MYO1E: variants seen among roughly 807,000 people sequenced by gnomAD.
MYO1E encodes the protein myosin IE.
MYO1E carries 68 observed loss-of-function variants against 151.1 expected under a neutral mutation model. The ratio of observed to expected loss-of-function variants is 0.45; its 90% confidence interval spans 0.37 to 0.55. MYO1E has a LOEUF of 0.55. Ranked by LOEUF, MYO1E falls within the 20% of genes least tolerant of loss-of-function variation. MYO1E has a pLI of 0.00. For missense variants in MYO1E, 1,363 were observed against 1,389.3 expected (o/e 0.98, Z 0.30); for synonymous variants, 601 against 501.7 (o/e 1.20, Z -2.64).
chr15:59,197,052 G>C (rs1019499034), intron 16 of MYO1E, among the ~76,000 whole-genome samples: 21 of 124,184 alleles, frequency 1.7e-4, no homozygotes, highest in South Asian at 5.9e-4. Flanking sequence ...GAGTGCAGTG[G>C]CGTGATCTCT....
Position 59,208,792 on chromosome 15 carries a change from C to T in MYO1E, c.1419G>A (p.Val473=), listed in dbSNP as rs2079857783. Residue 473 remains valine, a synonymous_variant, in exon 14 of 28, where the codon GTG becomes GTA. Transcript: ENST00000288235. Reference sequence around the variant, plus strand: ...GCAGCGTCTGATCTGCCCCCTCACCCACCGCATGCATCGTGGCGCACACGT... The same window carrying T: ...GCAGCGTCTGATCTGCCCCCTCACCTACCGCATGCATCGTGGCGCACACGT... ...LDDVCATMHA[V]GEGADQTLLQ... 6 of 1,614,226 alleles carry T rather than the reference C, an allele frequency of 3.7e-6. No individual in the cohort carries two copies. The highest frequency in any genetic ancestry group is 5.1e-6 in the Non-Finnish European group (6 of 1,180,038).
At chr15:59,247,925 C>T (rs1566991254) in intron 4 of MYO1E, among the ~76,000 whole-genome samples, 1 of 151,892 alleles carries the variant, frequency 6.6e-6, no homozygotes, top group Non-Finnish European at 1.5e-5. Context: ...GGTTCAAGAC[C>T]AGCCTGGCCA....
At chr15:59,253,643 G>A (rs2080178039) in intron 4 of MYO1E, among the ~76,000 whole-genome samples, 1 of 152,044 alleles carries the variant, frequency 6.6e-6, no homozygotes. Context: ...CGCCATGCCC[G>A]GCTAATTTTT....
chr15:59,349,246 G>GTA (rs2080810754), intron 1 of MYO1E, among the ~76,000 whole-genome samples: 1 of 151,986 alleles, frequency 6.6e-6, no homozygotes, highest in Non-Finnish European at 1.5e-5. Flanking sequence ...AACATCTTAG[G>GTA]TATATATGCA....
At chr15:59,297,160 T>G (rs1260455195) in intron 1 of MYO1E, among the ~76,000 whole-genome samples, 1 of 151,772 alleles carries the variant, frequency 6.6e-6, no homozygotes, top group Admixed American at 6.6e-5. Flanking sequence ...CCAGGAAATT[T>G]AACATCGATA....
intron 1 of MYO1E, among the ~76,000 whole-genome samples, chr15:59,276,150 G>C (rs919919545): frequency 3.3e-5 from 5 of 152,190 alleles, no homozygotes; most frequent in African/African-American, 1.2e-4. Context: ...CCCCTGCTGA[G>C]AGGCAGGGGC....
rs765464474 is a variant in MYO1E at position 59,236,639 on chromosome 15, G to A, written c.366C>T (p.Ala122=). Residue 122 remains alanine (A), a synonymous_variant, in exon 5 of 28, where the codon GCC becomes GCT. Transcript: ENST00000288235. ...TGGAGATGTAGCTCATGATATATTT[G>A]GCAGCCACTGTTTTTCCAGCACCAC... ...GESGAGKTVA[A]KYIMSYISRV... is the part of the protein sequence containing the mutation. 1.2e-6 allele frequency: 2 copies of A among 1,613,862 alleles called. No individual in the cohort carries two copies. The highest frequency in any genetic ancestry group is 1.7e-6 in the Non-Finnish European group (2 of 1,179,926).
chr15:59,275,431 T>TC (rs1470468608), intron 1 of MYO1E, among the ~76,000 whole-genome samples: 1 of 152,000 alleles, frequency 6.6e-6, no homozygotes, highest in African/African-American at 2.4e-5. Flanking sequence ...CTGTCTCCCT[T>TC]CCCTGTCTCT....
At chr15:59,213,075 GC>G (rs1249805231) in intron 12 of MYO1E, among the ~76,000 whole-genome samples, 1 of 151,854 alleles carries the variant, frequency 6.6e-6, no homozygotes, top group African/African-American at 2.4e-5. Context: ...TGTTATGGTG[GC>G]CCCAGGAATC....
chr15:59,236,191 A>T (rs914995375), intron 5 of MYO1E, among the ~76,000 whole-genome samples: 3 of 151,908 alleles, frequency 2.0e-5, no homozygotes, highest in Non-Finnish European at 4.4e-5. Context: ...AAAAATACAA[A>T]AATTAGCTGG....
rs146373100 is a variant in MYO1E at position 59,255,290 on chromosome 15, T to C, written c.332+994A>G. 8.2e-3 allele frequency among the ~76,000 whole-genome samples: 1,251 copies of C among 152,194 alleles called. 4 individuals are homozygous for C. The highest frequency in any genetic ancestry group is 0.019 in the Admixed American group (285 of 15,284). On this transcript the variant is annotated intron_variant, in intron 4 of 27. Transcript: ENST00000288235. Reference sequence around the variant, plus strand: ...ACACCAGACGCCTGGCTAATTTTTATATTTTTTTGTAGAGATGGGGTTTCG... The same window carrying C: ...ACACCAGACGCCTGGCTAATTTTTACATTTTTTTGTAGAGATGGGGTTTCG...
chr15:59,200,318 G>A (rs1339653061), intron 16 of MYO1E, among the ~76,000 whole-genome samples: 1 of 152,154 alleles, frequency 6.6e-6, no homozygotes, highest in Non-Finnish European at 1.5e-5. Context: ...TGCAGTAAAG[G>A]CATGAGTCAG....
intron 1 of MYO1E, among the ~76,000 whole-genome samples, chr15:59,324,663 G>GCAC (rs1445556603): frequency 6.8e-6 from 1 of 147,992 alleles, no homozygotes; most frequent in African/African-American, 2.5e-5. Flanking sequence ...CCCATCCCAA[G>GCAC]CCCCCCCCCC....
chr15:59,346,226 C>T (rs1018714010), intron 1 of MYO1E, among the ~76,000 whole-genome samples: 1 of 152,106 alleles, frequency 6.6e-6, no homozygotes, highest in African/African-American at 2.4e-5. Flanking sequence ...ATCCAGCCCC[C>T]GACCAGGGAC....
rs112524503 is a variant in MYO1E at position 59,188,244 on chromosome 15, A to T, written c.1806-28T>A. 4,682 of 1,556,576 alleles carry T rather than the reference A, an allele frequency of 3.0e-3. 86 individuals are homozygous for T. In the African/African-American group the frequency reaches 0.038, roughly 13 times the overall value. On this transcript the variant is annotated intron_variant, in intron 17 of 27. Coordinates refer to ENST00000288235, the MANE Select transcript of MYO1E (RefSeq NM_004998.4). ...GTGCAAAGGAGAAAATGGGGCCTGG[A>T]CATTACTGGATAATCCTTTCACTCG... is the stretch of plus-strand genomic sequence containing the variant.
At chr15:59,364,680 G>A (rs2080903505) in intron 1 of MYO1E, among the ~76,000 whole-genome samples, 1 of 152,122 alleles carries the variant, frequency 6.6e-6, no homozygotes, top group Non-Finnish European at 1.5e-5. Flanking sequence ...AGGTCAAGGT[G>A]GGTCACTTGA....
chr15:59,351,450 T>C (rs536489623), intron 1 of MYO1E, among the ~76,000 whole-genome samples: 1 of 152,122 alleles, frequency 6.6e-6, no homozygotes, highest in South Asian at 2.1e-4. Flanking sequence ...TACTGGAAAA[T>C]AGAGTTGGAT....
At chr15:59,256,481 TTTGGAAACGA>T (rs1286750234) in intron 3 of MYO1E, 103 bp from the exon 4 acceptor site, 1 of 615,788 alleles carries the variant, frequency 1.6e-6, no homozygotes, top group Non-Finnish European at 2.6e-6. Context: ...TTTTCCTGAA[TTTGGAAACGA>T]ATCGTGCACT....
intron 1 of MYO1E, among the ~76,000 whole-genome samples, chr15:59,345,121 G>C (rs1322830886): frequency 6.6e-6 from 1 of 152,090 alleles, no homozygotes; most frequent in East Asian, 1.9e-4. Flanking sequence ...TGAAGATGAG[G>C]GACTTCAGAA....
Sources: allele counts gnomAD v4.1 joint callset (sites outside exome capture counted in the v4.1 genomes callset), GRCh38; gene constraint gnomAD v4.1.1; transcripts MANE v1.5; gene names NCBI Gene and HGNC (gene_info 2026-07-23, HGNC 2026-07-21).